DCPH1: variants seen among roughly 807,000 people sequenced by gnomAD.
The protein encoded by DCPH1 is damage control phosphatase 1.
chr6:151,458,700 A>T, the DCPH1 span: 2 of 684,222 alleles, frequency 2.9e-6, no homozygotes, highest in South Asian at 2.0e-5. Flanking sequence ...AAATCTTAAT[A>T]GCATTGTTGG....
At chr6:151,458,481 GAA>G in the DCPH1 span, 1 of 1,613,198 alleles carries the variant, frequency 6.2e-7, no homozygotes, top group Non-Finnish European at 8.5e-7. Flanking sequence ...TCTTTTAAAT[GAA>G]AGTGATGGAA....
chr6:151,466,533 G>A, the DCPH1 span, among the ~76,000 whole-genome samples: 3 of 152,162 alleles, frequency 2.0e-5, no homozygotes, highest in Non-Finnish European at 2.9e-5. Context: ...ACAGGTTAAC[G>A]TTTCAAGGGA....
chr6:151,458,440 T>C, the DCPH1 span: 32 of 1,611,920 alleles, frequency 2.0e-5, no homozygotes, highest in Admixed American at 1.2e-4. Flanking sequence ...GATACTGATA[T>C]ATGGAATCAG....
At chr6:151,460,552 G>C in the DCPH1 span, among the ~76,000 whole-genome samples, 1 of 151,782 alleles carries the variant, frequency 6.6e-6, no homozygotes, top group African/African-American at 2.4e-5. Flanking sequence ...TTGGGAGGCC[G>C]AGGCAGGCAG....
chr6:151,468,400 C>G, the DCPH1 span: 2 of 1,591,724 alleles, frequency 1.3e-6, no homozygotes, highest in Non-Finnish European at 8.5e-7. Context: ...AAGTAGTTCT[C>G]AGAATACCAA....
the DCPH1 span, among the ~76,000 whole-genome samples, chr6:151,453,552 CCA>C: frequency 6.6e-6 from 1 of 152,178 alleles, no homozygotes; most frequent in Admixed American, 6.5e-5. Flanking sequence ...ACTGAAAGCA[CCA>C]CAGAGTCGGA....
At chr6:151,456,675 A>G in the DCPH1 span, among the ~76,000 whole-genome samples, 1 of 152,262 alleles carries the variant, frequency 6.6e-6, no homozygotes, top group East Asian at 1.9e-4. Flanking sequence ...TTTTTGAGAC[A>G]GGGTCTTGTT....
At chr6:151,452,513 A>T in the DCPH1 span, 1 of 1,610,506 alleles carries the variant, frequency 6.2e-7, no homozygotes, top group Non-Finnish European at 8.5e-7. Context: ...GCGATTGAAC[A>T]GCCGAGCTTT....
the DCPH1 span, among the ~76,000 whole-genome samples, chr6:151,461,435 C>A: frequency 6.6e-6 from 1 of 152,198 alleles, no homozygotes; most frequent in Non-Finnish European, 1.5e-5. Flanking sequence ...CTTTGGGAGC[C>A]TGAGGCAGGT....
the DCPH1 span, among the ~76,000 whole-genome samples, chr6:151,467,915 A>G: frequency 6.6e-6 from 1 of 152,218 alleles, no homozygotes; most frequent in Non-Finnish European, 1.5e-5. Flanking sequence ...AGGTTATGCA[A>G]TTAGTGAAAG....
At chr6:151,463,963 A>T in the DCPH1 span, among the ~76,000 whole-genome samples, 2 of 152,202 alleles carry the variant, frequency 1.3e-5, no homozygotes, top group African/African-American at 4.8e-5. Context: ...AACTTACAAT[A>T]GTATTGTCTG....
At chr6:151,466,924 TA>T in the DCPH1 span, among the ~76,000 whole-genome samples, 6 of 151,814 alleles carry the variant, frequency 4.0e-5, no homozygotes, top group African/African-American at 7.3e-5. Flanking sequence ...GCCTTTTTTT[TA>T]AAAAAAATTT....
chr6:151,466,011 C>T, the DCPH1 span, among the ~76,000 whole-genome samples: 11 of 152,174 alleles, frequency 7.2e-5, no homozygotes, highest in African/African-American at 2.2e-4. Flanking sequence ...CTCCGTCTCC[C>T]GGGTTTAAGC....
the DCPH1 span, chr6:151,464,678 A>G: frequency 7.4e-6 from 8 of 1,085,862 alleles, no homozygotes; most frequent in Non-Finnish European, 9.0e-6. Context: ...AAACTGCTAT[A>G]CAGTTAACAA....
chr6:151,452,849 C>G, the DCPH1 span: 1 of 412,838 alleles, frequency 2.4e-6, no homozygotes. Context: ...CTGGCGGTCA[C>G]TTTTTATTTA....
At chr6:151,467,111 G>T in the DCPH1 span, among the ~76,000 whole-genome samples, 3 of 151,956 alleles carry the variant, frequency 2.0e-5, no homozygotes, top group Non-Finnish European at 4.4e-5. Context: ...AATTAGCCAG[G>T]CGTGGTGGTG....
the DCPH1 span, chr6:151,458,491 GAAA>G: frequency 6.8e-6 from 11 of 1,612,982 alleles, no homozygotes; most frequent in Admixed American, 6.7e-5. Flanking sequence ...GAAAGTGATG[GAAA>G]ATCAAGATGG....
At chr6:151,459,020 C>G in the DCPH1 span, among the ~76,000 whole-genome samples, 1 of 152,042 alleles carries the variant, frequency 6.6e-6, no homozygotes, top group Non-Finnish European at 1.5e-5. Context: ...GCCTGTAATC[C>G]CAGGTACCTG....
chr6:151,459,359 T>G, the DCPH1 span, among the ~76,000 whole-genome samples: 1 of 152,344 alleles, frequency 6.6e-6, no homozygotes, highest in South Asian at 2.1e-4. Context: ...ATCATACTAT[T>G]GTATTATAGT....
Sources: gnomAD v4.1 joint callset for allele counts (sites outside exome capture counted in the v4.1 genomes callset) on GRCh38, gnomAD v4.1.1 for gene constraint, MANE v1.5 for transcripts, NCBI Gene and HGNC (gene_info 2026-07-23, HGNC 2026-07-21) for gene names.